The following GRK7 variants were observed in gnomAD, a reference collection of about 807,000 sequenced individuals.
GRK7 encodes rhodopsin kinase GRK7.
Under a neutral mutation model 34.1 loss-of-function variants are expected in GRK7, and 24 were observed. The observed-to-expected ratio is 0.70, with a 90% CI of 0.51 to 0.99. The LOEUF (loss-of-function observed/expected upper bound fraction) is 0.99, where lower values mean the gene tolerates loss of function less well. Among genes scored for constraint, GRK7 ranks in the 50% least tolerant of loss-of-function variants. The pLI, the probability that GRK7 is intolerant of heterozygous loss-of-function variation, is 0.00. For synonymous variants in GRK7, 256 were observed against 279.4 expected (o/e 0.92, Z 0.84); for missense variants, 644 against 707.3 (o/e 0.91, Z 1.02).
Position 141,778,851 on chromosome 3 carries a change from G to A in GRK7, c.567G>A (p.Lys189=), listed in dbSNP as rs777130690. ...KLFEMQPVSD[K]YFTEFRVLGK... is the part of the protein sequence containing the mutation. ...TCGAGATGCAACCAGTGTCAGACAA[G>A]TACTTCACTGAGTTCAGAGTGCTGG... Residue 189 remains lysine, a synonymous_variant, in exon 3 of 6, where the codon AAG becomes AAA. Coordinates refer to ENST00000682958, the MANE Select transcript of GRK7 (RefSeq NM_139209.3). The surrounding 1 kb of genome is among the most constrained non-coding windows in gnomAD (Gnocchi z 4.1). 1.2e-5 allele frequency: 20 copies of A among 1,612,456 alleles called. No homozygotes were observed. Among genetic ancestry groups the A allele is most frequent in the Non-Finnish European group, 1.7e-5 (20 of 1,179,322 alleles).
chr3:141,807,896 A>G lies in GRK7; in HGVS notation c.1302A>G (p.Lys434=). The G allele has an allele frequency of 6.3e-7, 1 of 1,599,192 alleles. No individual in the cohort carries two copies. Among genetic ancestry groups the G allele is most frequent in the Non-Finnish European group, 8.5e-7 (1 of 1,171,790 alleles). Reference sequence around the variant, plus strand: ...TTTGCAGGCTCTTCTTGGCTAAGAAACCAGAGCAACGCTTAGGAAGCAGGT... The same window carrying G: ...TTTGCAGGCTCTTCTTGGCTAAGAAGCCAGAGCAACGCTTAGGAAGCAGGT... ...KDICRLFLAK[K]PEQRLGSREK... Residue 434 remains lysine (K), a synonymous_variant, in exon 5 of 6, where the codon AAA becomes AAG. Transcript: ENST00000682958.
At chr3:141,782,783 C>T (rs1433387364) in intron 4 of GRK7, among the ~76,000 whole-genome samples, 4 of 148,188 alleles carry the variant, frequency 2.7e-5, no homozygotes, top group Non-Finnish European at 5.9e-5. Context: ...CTAGCCTGGG[C>T]TACAAAGCGA....
intron 1 of GRK7, among the ~76,000 whole-genome samples, chr3:141,774,192 A>G (rs2084628608): frequency 6.6e-6 from 1 of 152,160 alleles, no homozygotes; most frequent in Non-Finnish European, 1.5e-5. Context: ...CAGCACTTTC[A>G]GAAGCCGAAG....
At chr3:141,751,315 A>G in the GRK7 span, among the ~76,000 whole-genome samples, 2 of 152,104 alleles carry the variant, frequency 1.3e-5, no homozygotes, top group African/African-American at 4.8e-5. Flanking sequence ...TTATATATTT[A>G]TAATAAAAGT....
At chr3:141,762,015 T>A, upstream of GRK7, among the ~76,000 whole-genome samples, 1 of 138,712 alleles carries the variant, frequency 7.2e-6, no homozygotes, top group Non-Finnish European at 1.6e-5. Flanking sequence ...TTATACATTC[T>A]TCTAAATTTT....
chr3:141,751,872 A>G, the GRK7 span, among the ~76,000 whole-genome samples: 2 of 152,380 alleles, frequency 1.3e-5, no homozygotes, highest in Non-Finnish European at 2.9e-5. Context: ...AGAAAATTCT[A>G]TTGGACAGCA....
At chr3:141,797,355 G>A (rs1710901513) in intron 4 of GRK7, among the ~76,000 whole-genome samples, 1 of 152,142 alleles carries the variant, frequency 6.6e-6, no homozygotes, top group South Asian at 2.1e-4. Flanking sequence ...CGGGGCGGGC[G>A]GAGCCTCGAG....
chr3:141,795,019 C>T (rs947074908), intron 4 of GRK7, among the ~76,000 whole-genome samples: 2 of 152,070 alleles, frequency 1.3e-5, no homozygotes, highest in Non-Finnish European at 2.9e-5. Context: ...AGTGATAATA[C>T]GGTGTGATCA....
upstream of GRK7, among the ~76,000 whole-genome samples, chr3:141,763,099 C>G (rs927944017): frequency 1.3e-5 from 2 of 152,230 alleles, no homozygotes; most frequent in Non-Finnish European, 2.9e-5. Context: ...GTGTCGCTCA[C>G]GCTGGGAGCT....
chr3:141,773,452 C>T (rs2084625775), intron 1 of GRK7, among the ~76,000 whole-genome samples: 1 of 151,874 alleles, frequency 6.6e-6, no homozygotes, highest in East Asian at 1.9e-4. Context: ...ATTAGAAAAG[C>T]AGAATTTTGG....
chr3:141,752,018 CT>C, the GRK7 span, among the ~76,000 whole-genome samples: 1 of 152,106 alleles, frequency 6.6e-6, no homozygotes, highest in Admixed American at 6.6e-5. Context: ...GAACATGTGC[CT>C]TACTTTACTA....
intron 1 of GRK7, among the ~76,000 whole-genome samples, chr3:141,772,394 T>C (rs2030183): frequency 0.78 from 118,060 of 152,194 alleles, 46,315 homozygotes; most frequent in African/African-American, 0.89. Flanking sequence ...TGTCCGGCCT[T>C]TTTGGGTATT....
chr3:141,751,035 G>A, the GRK7 span, among the ~76,000 whole-genome samples: 6 of 152,106 alleles, frequency 3.9e-5, no homozygotes, highest in Admixed American at 2.0e-4. Context: ...GCAACACAGC[G>A]AGACTCCATC....
Position 141,817,308 on chromosome 3 carries a change from C to T in GRK7, c.*258C>T. 2.6e-6 allele frequency: 1 copy of T among 380,474 alleles called. No individual in the cohort carries two copies. Among genetic ancestry groups the T allele is most frequent in the Non-Finnish European group, 4.7e-6 (1 of 213,002 alleles). The allele number at this position is 380,474 out of a possible 1,614,324, so 23.6% of individuals were successfully genotyped here. A position where few individuals can be genotyped will look rare whatever the true frequency, so the allele number is the denominator to read the frequency against. ...CAGGTTTATTTTGATAAACTGAAAG[C>T]ATCAGCCTTTTACCATCATGTCCCT... On this transcript the variant is annotated 3_prime_UTR_variant, in exon 6 of 6. Transcript: ENST00000682958.
chr3:141,804,599 TCACA>T (rs888654563), intron 4 of GRK7, among the ~76,000 whole-genome samples: 6 of 148,086 alleles, frequency 4.1e-5, no homozygotes, highest in African/African-American at 1.0e-4. Context: ...ATACAGGCAC[TCACA>T]CACGCATACA....
chr3:141,781,744 A>T (rs189062389), intron 4 of GRK7, among the ~76,000 whole-genome samples: 98 of 152,306 alleles, frequency 6.4e-4, no homozygotes, highest in African/African-American at 2.3e-3. Context: ...GTTTATTTTA[A>T]TCAGTTTTGT....
intron 5 of GRK7, among the ~76,000 whole-genome samples, chr3:141,813,202 T>G (rs1269266886): frequency 6.6e-6 from 1 of 152,244 alleles, no homozygotes; most frequent in Non-Finnish European, 1.5e-5. Context: ...CTCGGCTCAC[T>G]GCAACCTTTG....
In GRK7 at chr3:141,778,054, C is replaced by T. The variant is rs570033563; in HGVS notation, c.-113-118C>T. 2.7e-4 allele frequency: 139 copies of T among 510,266 alleles called. 1 individual carries two copies. Among genetic ancestry groups the T allele is most frequent in the Non-Finnish European group, 3.9e-4 (116 of 295,982 alleles). The allele number at this position is 510,266 out of a possible 1,614,324, so 31.6% of individuals were successfully genotyped here. ...CCCCGGCAGGTGTCCCAGCAGCTTT[C>T]GCCTTGGCAGGTGGGAGCATGACCT... On this transcript the variant is annotated intron_variant, in intron 2 of 5. Coordinates refer to ENST00000682958, the MANE Select transcript of GRK7 (RefSeq NM_139209.3). The surrounding 1 kb of genome is among the most constrained non-coding windows in gnomAD (Gnocchi z 4.1).
chr3:141,762,930 A>T (rs1334196671), upstream of GRK7, among the ~76,000 whole-genome samples: 1 of 152,150 alleles, frequency 6.6e-6, no homozygotes, highest in East Asian at 1.9e-4. Context: ...TTGGAAAGGG[A>T]ACTCCCTGAC....
Sources: gnomAD v4.1 joint callset for allele counts (sites outside exome capture counted in the v4.1 genomes callset) on GRCh38, gnomAD v4.1.1 for gene constraint, Gnocchi (gnomAD v3.1) non-coding constraint, MANE v1.5 for transcripts, NCBI Gene and HGNC (gene_info 2026-07-23, HGNC 2026-07-21) for gene names.